SMG7: variants seen among roughly 807,000 people sequenced by gnomAD.
SMG7 encodes the protein nonsense-mediated mRNA decay factor SMG7.
In SMG7, 34 loss-of-function variants were observed where a neutral mutation model predicts 148.2. That is an observed-to-expected ratio of 0.23 (90% CI 0.17 to 0.31). The LOEUF is 0.31. Among genes scored for constraint, SMG7 ranks in the 10% least tolerant of loss-of-function variants. The pLI, the probability that SMG7 is intolerant of heterozygous loss-of-function variation, is 1.00. For synonymous variants in SMG7, 492 were observed against 515.1 expected, an observed-to-expected ratio of 0.96 and a Z score of 0.61; for missense variants, 1,114 against 1,408.4, an observed-to-expected ratio of 0.79 and a Z score of 3.35.
At chr1:183,502,120 AAAG>A (rs1659864604) in intron 1 of SMG7, 1 of 580,406 alleles carries the variant, frequency 1.7e-6, no homozygotes, top group Non-Finnish European at 2.7e-6. Context: ...TTAAACAAAA[AAAG>A]AAAAAGGCTT....
chr1:183,515,784 TA>T, intron 2 of SMG7, 89 bp from the exon 3 acceptor site: 1 of 675,068 alleles, frequency 1.5e-6, no homozygotes, highest in Non-Finnish European at 2.6e-6. Context: ...GCCTTGGGGA[TA>T]GAGCAGGAAG....
intron 18 of SMG7, among the ~76,000 whole-genome samples, chr1:183,548,220 A>T (rs1443463778): frequency 1.3e-5 from 2 of 152,210 alleles, no homozygotes; most frequent in African/African-American, 4.8e-5. Flanking sequence ...CCCCATACCA[A>T]GTTATTAAAT....
intron 1 of SMG7, among the ~76,000 whole-genome samples, chr1:183,497,224 A>G (rs1175431230): frequency 6.6e-6 from 1 of 152,250 alleles, no homozygotes; most frequent in Admixed American, 6.5e-5. Flanking sequence ...TGACCTGCAT[A>G]GTCCAGAACA....
At chr1:183,516,467 C>T (rs1663564200) in intron 3 of SMG7, among the ~76,000 whole-genome samples, 2 of 152,168 alleles carry the variant, frequency 1.3e-5, no homozygotes, top group South Asian at 4.1e-4. Flanking sequence ...CTCCCCTACC[C>T]CCAATAAAAT....
At chr1:183,519,447 A>G (rs1232847084) in intron 4 of SMG7, among the ~76,000 whole-genome samples, 1 of 151,774 alleles carries the variant, frequency 6.6e-6, no homozygotes, top group Admixed American at 6.6e-5. Flanking sequence ...TTTTACAAGT[A>G]GCTGTCAAAA....
chr1:183,489,204 A>G (rs1016507557), intron 1 of SMG7, among the ~76,000 whole-genome samples: 3 of 152,138 alleles, frequency 2.0e-5, no homozygotes, highest in Admixed American at 6.6e-5. Flanking sequence ...ACTCAATCCA[A>G]TATAAAATAC....
Position 183,541,045 on chromosome 1 carries a change from C to T in SMG7, c.1357C>T (p.Arg453Ter), listed in dbSNP as rs1668726438. The change falls in exon 13 of 23, where the codon CGA (arginine) becomes TGA (stop). Residue 453 changes from arginine to a stop codon, truncating the protein, a stop_gained. Transcript: ENST00000688051. LOFTEE classifies it high-confidence loss of function. Reference protein sequence around the residue: ...ITGDKEGQQRRIRQQRLISIG... With the variant: ...ITGDKEGQQR ...AGGGGACAAAGAAGGCCAGCAACGACGAATACGACAGCAACGCTTGATCTC... is the reference window on the plus strand; with the variant it reads ...AGGGGACAAAGAAGGCCAGCAACGATGAATACGACAGCAACGCTTGATCTC... 6.2e-7 allele frequency: 1 copy of T among 1,613,426 alleles called. No individual in the cohort carries two copies. Among genetic ancestry groups the T allele is most frequent in the Non-Finnish European group, 8.5e-7 (1 of 1,179,370 alleles).
Position 183,549,781 on chromosome 1 carries a change from T to A in SMG7, c.2991T>A (p.Asn997Lys). 6.2e-7 allele frequency: 1 copy of A among 1,613,668 alleles called. No homozygotes were observed. Among genetic ancestry groups the A allele is most frequent in the Non-Finnish European group, 8.5e-7 (1 of 1,179,666 alleles). ...TCTTTCAGGAAAGATACCCAAATAA[T>A]AGTATGTTCAATGAGGTATATGGGA... ...FSLNQERYPN[N>K]SMFNEVYGKN... is the part of the protein sequence containing the mutation. Residue 997 changes from asparagine (N) to lysine (K), a missense_variant, in exon 20 of 23, where the codon AAT (asparagine) becomes AAA (lysine). By Grantham distance (94) the Asn-to-Lys change is moderately conservative. This residue lies in a region of SMG7 where 788 missense variants were observed against 894.5 expected (regional missense o/e 0.88). Transcript: ENST00000688051.
At chr1:183,477,037 A>G (rs757549588) in intron 1 of SMG7, among the ~76,000 whole-genome samples, 2 of 152,182 alleles carry the variant, frequency 1.3e-5, no homozygotes, top group African/African-American at 2.4e-5. Context: ...GTGGAAATTA[A>G]CATATCAAAG....
rs1193610459 is a variant in SMG7, at chr1:183,551,140, C to T, written c.3400C>T (p.His1134Tyr). The T allele has an allele frequency of 6.3e-7, 1 of 1,591,448 alleles. No individual in the cohort carries two copies. Reference sequence around the variant, plus strand: ...CACTCCGAGTGGCACCTGGACAGGCCATGGCCCTTCCATGGAGGATTCCTC... The same window carrying T: ...CACTCCGAGTGGCACCTGGACAGGCTATGGCCCTTCCATGGAGGATTCCTC... ...ASTPSGTWTG[H>Y]GPSMEDSSAV... The change falls in exon 22 of 23, where the codon CAT (histidine) becomes TAT (tyrosine). Residue 1134 changes from histidine to tyrosine, a missense_variant. Coordinates refer to ENST00000688051, the MANE Select transcript of SMG7 (RefSeq NM_001375584.1).
At chr1:183,510,156 C>G (rs1256204129) in intron 1 of SMG7, among the ~76,000 whole-genome samples, 1 of 152,024 alleles carries the variant, frequency 6.6e-6, no homozygotes, top group East Asian at 1.9e-4. Context: ...CATAGGGAAG[C>G]ATAGTAAAGT....
intron 1 of SMG7, among the ~76,000 whole-genome samples, chr1:183,500,006 A>C (rs1659388948): frequency 6.6e-6 from 1 of 152,082 alleles, no homozygotes; most frequent in African/African-American, 2.4e-5. Flanking sequence ...GGGTTGTTGC[A>C]AAAAAAGGAC....
chr1:183,490,188 C>T (rs1656602912), intron 1 of SMG7, among the ~76,000 whole-genome samples: 1 of 152,174 alleles, frequency 6.6e-6, no homozygotes, highest in Non-Finnish European at 1.5e-5. Context: ...TGATAAAAGA[C>T]CCTAACTGCA....
chr1:183,547,058 T>A lies in SMG7; in HGVS notation c.2743-45T>A, dbSNP rs747758400. ...ATTATGCTACTATTCCTTTATGCTT[T>A]TGTTATCCCTTATTGCTTCTCACTG... On this transcript the variant is annotated intron_variant, in intron 17 of 22. Coordinates refer to ENST00000688051, the MANE Select transcript of SMG7 (RefSeq NM_001375584.1). 6.6e-6 allele frequency: 10 copies of A among 1,522,162 alleles called. No individual in the cohort carries two copies. In the East Asian group the frequency reaches 2.0e-4, roughly 30 times the overall value. The allele number at this position is 1,522,162 out of a possible 1,614,324, so 94.3% of individuals were successfully genotyped here.
At chr1:183,518,538 T>C (rs761512300) in intron 4 of SMG7, 18 of 152,206 alleles carry the variant, frequency 1.2e-4, no homozygotes, top group Non-Finnish European at 2.4e-4. Context: ...ATTTATACAA[T>C]GGAATTTATC....
chr1:183,540,943 A>G, intron 12 of SMG7, 41 bp from the exon 13 acceptor site: 2 of 1,602,750 alleles, frequency 1.2e-6, no homozygotes, highest in Non-Finnish European at 1.7e-6. Flanking sequence ...AAATATCTTT[A>G]GCAATTTAAT....
At position 183,537,185 on chromosome 1, in the gene SMG7, C is replaced by A; in HGVS notation, c.1204C>A (p.Pro402Thr). 2 of 1,612,754 alleles carry A rather than the reference C, an allele frequency of 1.2e-6. No individual in the cohort carries two copies. The highest frequency in any genetic ancestry group is 1.7e-6 in the Non-Finnish European group (2 of 1,178,894). The change falls in exon 11 of 23, where the codon CCC (proline) becomes ACC (threonine). Residue 402 changes from proline to threonine, a missense_variant. By Grantham distance (38) the Pro-to-Thr change is conservative. Transcript: ENST00000688051. ...GATTTCTCTTCTGAATAGTTTCCAT[C>A]CCCATGAAGAGGACCTCTCAAGTAT... ...WLISLLNSFH[P>T]HEEDLSSISA... is the part of the protein sequence containing the mutation.
At chr1:183,498,278 C>T (rs1274656162) in intron 1 of SMG7, among the ~76,000 whole-genome samples, 3 of 152,122 alleles carry the variant, frequency 2.0e-5, no homozygotes, top group African/African-American at 4.8e-5. Context: ...TACCTGTAAT[C>T]CCAGCACTTT....
At position 183,533,734 on chromosome 1, in the gene SMG7, C is replaced by T; in HGVS notation, c.1065C>T (p.Ser355=). 4.3e-6 allele frequency: 7 copies of T among 1,613,184 alleles called. No individual in the cohort carries two copies. The highest frequency in any genetic ancestry group is 5.9e-6 in the Non-Finnish European group (7 of 1,179,482). ...CPLQNESQEE[S]YNAYPLPAVK... ...TACAGAATGAGTCTCAGGAGGAGTC[C>T]TACAATGCCTATCCTCTTCCAGCAG... The change falls in exon 10 of 23, where the codon TCC becomes TCT. Residue 355 remains serine, a synonymous_variant. Transcript: ENST00000688051.
Sources: gnomAD v4.1 joint callset for allele counts (sites outside exome capture counted in the v4.1 genomes callset) on GRCh38, gnomAD v4.1.1 for gene constraint, gnomAD v4.1.1 regional missense constraint, MANE v1.5 for transcripts, NCBI Gene and HGNC (gene_info 2026-07-23, HGNC 2026-07-21) for gene names.